Variants in PBX1 observed in about 807,000 individuals in gnomAD.
The protein encoded by PBX1 is pre-B-cell leukemia transcription factor 1.
Under a neutral mutation model 53.4 loss-of-function variants are expected in PBX1, and 6 were observed. The ratio of observed to expected loss-of-function variants is 0.11; its 90% confidence interval spans 0.06 to 0.22. PBX1 has a LOEUF of 0.22. Among genes scored for constraint, PBX1 ranks in the 10% least tolerant of loss-of-function variants. The probability of loss-of-function intolerance (pLI) is 1.00; values close to 1 mark genes in which losing one functional copy is unlikely to be tolerated. For missense variants in PBX1, 251 were observed against 551.4 expected, an observed-to-expected ratio of 0.46 and a Z score of 5.46; for synonymous variants, 204 against 212.3, an observed-to-expected ratio of 0.96 and a Z score of 0.34.
chr1:164,875,988 G>GTGTGTATATATATATATA (rs776802784), intron 2 of PBX1, among the ~76,000 whole-genome samples: 1 of 56,938 alleles, frequency 1.8e-5, no homozygotes, highest in South Asian at 8.7e-4. Context: ...TGGTGTATGT[G>GTGTGTATATATATATATA]TATATATATA....
Position 164,751,043 on chromosome 1 carries a change from C to T in PBX1, c.266-41451C>T, listed in dbSNP as rs143261231. ...TAAGATGGTATTTGCAGGCTGGGTGCGGTGACTCATGCCTGTAATCCCAGC... is the reference window on the plus strand; with the variant it reads ...TAAGATGGTATTTGCAGGCTGGGTGTGGTGACTCATGCCTGTAATCCCAGC... On this transcript the variant is annotated intron_variant, in intron 2 of 8. Coordinates refer to ENST00000420696, the MANE Select transcript of PBX1 (RefSeq NM_002585.4). Among the ~76,000 whole-genome samples, 527 of 152,122 alleles carry T rather than the reference C, an allele frequency of 3.5e-3. 3 individuals are homozygous for T. The highest frequency in any genetic ancestry group is 0.012 in the African/African-American group (506 of 41,518).
At chr1:164,563,415 G>C in intron 2 of PBX1, 104 bp downstream of exon 2, 1 of 658,642 alleles carries the variant, frequency 1.5e-6, no homozygotes, top group Non-Finnish European at 2.6e-6. Context: ...CAGAATACAA[G>C]TACTATGAAG....
chr1:164,785,652 C>T (rs145585853), intron 2 of PBX1, among the ~76,000 whole-genome samples: 3 of 152,288 alleles, frequency 2.0e-5, no homozygotes, highest in African/African-American at 4.8e-5. Flanking sequence ...TTCTTGAAGT[C>T]GGAGCCCATA....
chr1:164,841,994 T>A (rs1006743964), intron 8 of PBX1, among the ~76,000 whole-genome samples: 7 of 152,194 alleles, frequency 4.6e-5, no homozygotes, highest in African/African-American at 7.2e-5. Flanking sequence ...AATGAGAGTT[T>A]CTTAGTGCCA....
chr1:164,594,129 C>G (rs546753339), intron 2 of PBX1, among the ~76,000 whole-genome samples: 2 of 152,092 alleles, frequency 1.3e-5, no homozygotes, highest in African/African-American at 4.8e-5. Flanking sequence ...TGGCATTATC[C>G]CCATTTTAGA....
intron 2 of PBX1, among the ~76,000 whole-genome samples, chr1:164,613,770 C>T (rs560241308): frequency 1.3e-5 from 2 of 151,992 alleles, no homozygotes; most frequent in East Asian, 1.9e-4. Flanking sequence ...GAGGTAGAAA[C>T]GAAGAAATCT....
At chr1:164,560,271 T>A (rs1363074583) in intron 1 of PBX1, 3 of 403,810 alleles carry the variant, frequency 7.4e-6, no homozygotes, top group Non-Finnish European at 1.3e-5. Flanking sequence ...TTCATTTATA[T>A]CCACACAAAC....
At chr1:164,806,829 G>A (rs889185165) in intron 4 of PBX1, among the ~76,000 whole-genome samples, 4 of 152,190 alleles carry the variant, frequency 2.6e-5, no homozygotes, top group African/African-American at 7.2e-5. Flanking sequence ...CGTGTTGGGC[G>A]CTGTGCTGAG....
At chr1:164,635,761 T>C (rs2101889885) in intron 2 of PBX1, among the ~76,000 whole-genome samples, 1 of 152,344 alleles carries the variant, frequency 6.6e-6, no homozygotes, top group Middle Eastern at 3.4e-3. Flanking sequence ...AGATTTTGAT[T>C]CCGTAGAGAC....
chr1:164,726,825 C>G (rs1664723231), intron 2 of PBX1, among the ~76,000 whole-genome samples: 1 of 152,140 alleles, frequency 6.6e-6, no homozygotes, highest in Non-Finnish European at 1.5e-5. Flanking sequence ...CCGTCTGGAA[C>G]ATCGAGGTTC....
At chr1:164,784,729 G>A (rs1387917677) in intron 2 of PBX1, among the ~76,000 whole-genome samples, 1 of 152,178 alleles carries the variant, frequency 6.6e-6, no homozygotes, top group African/African-American at 2.4e-5. Flanking sequence ...AAGTCAGCAC[G>A]GTGCCTGGCA....
rs1671827997 is a variant in PBX1 at position 164,851,261 on chromosome 1, T to G, written c.*4585T>G. On this transcript the variant is annotated 3_prime_UTR_variant, in exon 9 of 9. Transcript: ENST00000420696. ...AAAAATTCATTTTAAATACCATCAT[T>G]CAACAAATTATGTTCAGAAAGTGGT... 4.8e-6 allele frequency: 1 copy of G among 207,332 alleles called. No individual in the cohort carries two copies. The highest frequency in any genetic ancestry group is 9.8e-6 in the Non-Finnish European group (1 of 101,564). The allele number at this position is 207,332 out of a possible 1,614,324, so 12.8% of individuals were successfully genotyped here.
intron 2 of PBX1, among the ~76,000 whole-genome samples, chr1:164,626,303 G>A (rs755470175): frequency 2.2e-4 from 34 of 152,138 alleles, no homozygotes; most frequent in Non-Finnish European, 4.4e-4. Context: ...TTTCCTCCCT[G>A]TTACCTCTGG....
chr1:164,750,579 C>T (rs534325981), intron 2 of PBX1, among the ~76,000 whole-genome samples: 37 of 152,214 alleles, frequency 2.4e-4, no homozygotes, highest in African/African-American at 8.4e-4. Flanking sequence ...ATTCTGATAC[C>T]CTTTGGCTGG....
chr1:164,648,796 T>TA (rs895647170), intron 2 of PBX1, among the ~76,000 whole-genome samples: 8 of 152,178 alleles, frequency 5.3e-5, no homozygotes, highest in Admixed American at 2.0e-4. Flanking sequence ...GAGATTACCT[T>TA]AGAGATTGAG....
intron 2 of PBX1, among the ~76,000 whole-genome samples, chr1:164,650,962 GAAA>G (rs35284541): frequency 6.8e-6 from 1 of 146,488 alleles, no homozygotes; most frequent in East Asian, 2.0e-4. Context: ...ATGTTGCTCA[GAAA>G]AAAAAAAAAT....
At chr1:164,840,145 T>C (rs1213751091) in intron 8 of PBX1, among the ~76,000 whole-genome samples, 2 of 152,088 alleles carry the variant, frequency 1.3e-5, no homozygotes, top group Admixed American at 1.3e-4. Context: ...TTGGTAGAGA[T>C]GGTCTCAACC....
intron 2 of PBX1, among the ~76,000 whole-genome samples, chr1:164,623,425 TTTTA>T (rs1262887843): frequency 1.3e-5 from 2 of 152,180 alleles, no homozygotes; most frequent in Non-Finnish European, 2.9e-5. Flanking sequence ...GATTTCTGAA[TTTTA>T]TTTTTTTCTT....
chr1:164,619,025 C>T (rs1020719746), intron 2 of PBX1, among the ~76,000 whole-genome samples: 1 of 152,122 alleles, frequency 6.6e-6, no homozygotes, highest in Non-Finnish European at 1.5e-5. Flanking sequence ...GGGAGATAAT[C>T]AACCAGTAAG....
Sources: gnomAD v4.1 joint callset for allele counts (sites outside exome capture counted in the v4.1 genomes callset) on GRCh38, gnomAD v4.1.1 for gene constraint, MANE v1.5 for transcripts, NCBI Gene and HGNC (gene_info 2026-07-23, HGNC 2026-07-21) for gene names.